USP6NL: variants seen among roughly 807,000 people sequenced by gnomAD.
The protein encoded by USP6NL is USP6 N-terminal-like protein.
In USP6NL, 26 loss-of-function variants were observed where a neutral mutation model predicts 61.9. The ratio of observed to expected loss-of-function variants is 0.42; its 90% CI spans 0.31 to 0.58. The LOEUF (loss-of-function observed/expected upper bound fraction) is 0.58. Among genes scored for constraint, USP6NL ranks in the 20% least tolerant of loss-of-function variants. The probability of loss-of-function intolerance (pLI) is 0.16; values close to 1 mark genes in which losing one functional copy is unlikely to be tolerated. For missense variants in USP6NL, 1,114 were observed against 1,034.3 expected (o/e 1.08, Z -1.06); for synonymous variants, 432 against 390.1 (o/e 1.11, Z -1.27).
At chr10:11,493,361 T>C in intron 7 of USP6NL, 133 bp from the exon 8 acceptor site, 1 of 709,282 alleles carries the variant, frequency 1.4e-6, no homozygotes, top group East Asian at 2.7e-5. Context: ...AAATCAAAAC[T>C]ATATATACAA....
At position 11,462,445 on chromosome 10, in the gene USP6NL, A is replaced by T. The variant is rs562437933; in HGVS notation, c.2483T>A (p.Leu828Gln). The change falls in exon 15 of 15, where the codon CTG becomes CAG. Residue 828 changes from leucine (L) to glutamine (Q), a missense_variant. Transcript: ENST00000609104. ...TTAGCAAGTACACGTCAAATCTCAC[A>T]GCAACACTGACTCTTGGATGGAAAG... is the stretch of plus-strand genomic sequence containing the variant. ...DGLSIQESVL[L>Q] 2 of 1,612,750 alleles carry T rather than the reference A, an allele frequency of 1.2e-6. No homozygotes were observed. The highest frequency in any genetic ancestry group is 1.7e-6 in the Non-Finnish European group (2 of 1,179,422).
At chr10:11,603,265 C>G (rs1374815025) in intron 1 of USP6NL, among the ~76,000 whole-genome samples, 2 of 152,216 alleles carry the variant, frequency 1.3e-5, no homozygotes, top group African/African-American at 2.4e-5. Flanking sequence ...TAGGTTTATA[C>G]TGGTCAACAT....
intron 7 of USP6NL, among the ~76,000 whole-genome samples, chr10:11,497,287 T>C (rs1178686668): frequency 6.6e-6 from 1 of 150,844 alleles, no homozygotes; most frequent in East Asian, 1.9e-4. Flanking sequence ...GGCGGGCACC[T>C]GTAGTCCCAG....
intron 2 of USP6NL, among the ~76,000 whole-genome samples, chr10:11,556,652 T>C (rs928309938): frequency 1.3e-5 from 2 of 152,194 alleles, no homozygotes; most frequent in African/African-American, 4.8e-5. Context: ...AAAGCCGACT[T>C]AGGCAATAAT....
chr10:11,570,403 G>A (rs1193251643), intron 2 of USP6NL, among the ~76,000 whole-genome samples: 1 of 152,100 alleles, frequency 6.6e-6, no homozygotes, highest in Non-Finnish European at 1.5e-5. Context: ...GAATGAACGT[G>A]GAAATGGAAA....
chr10:11,597,669 A>G lies in USP6NL; in HGVS notation c.-35T>C. ...TGGGTCTGAATGTTGTCCCAATCAGATATTAAACCAAAATCTGCTGTCCAA... is the reference window on the plus strand; with the variant it reads ...TGGGTCTGAATGTTGTCCCAATCAGGTATTAAACCAAAATCTGCTGTCCAA... On this transcript the variant is annotated 5_prime_UTR_variant, in exon 2 of 15. Coordinates refer to ENST00000609104, the MANE Select transcript of USP6NL (RefSeq NM_014688.5). The surrounding 1 kb of genome is among the most constrained non-coding windows in gnomAD (Gnocchi z 4.6). The G allele has an allele frequency of 1.9e-6, 3 of 1,547,672 alleles. No individual in the cohort carries two copies. The highest frequency in any genetic ancestry group is 2.6e-6 in the Non-Finnish European group (3 of 1,143,366).
At position 11,595,357 on chromosome 10, in the gene USP6NL, A is replaced by C. The variant is rs1838293293; in HGVS notation, c.4+2274T>G. Among the ~76,000 whole-genome samples, 1 of 152,236 alleles carries C rather than the reference A, an allele frequency of 6.6e-6. No individual in the cohort carries two copies. Among genetic ancestry groups the C allele is most frequent in the Non-Finnish European group, 1.5e-5 (1 of 68,042 alleles). ...ACTGTAAATAAAAGTTTTCCCTAGG[A>C]ATCAGGGTCAAGAGCCAGGCTCTGT... On this transcript the variant is annotated intron_variant, in intron 2 of 14. Coordinates refer to ENST00000609104, the MANE Select transcript of USP6NL (RefSeq NM_014688.5). The surrounding 1 kb of genome is among the most constrained non-coding windows in gnomAD (Gnocchi z 5.3).
intron 3 of USP6NL, among the ~76,000 whole-genome samples, chr10:11,526,941 G>T (rs1286723098): frequency 6.6e-6 from 1 of 152,142 alleles, no homozygotes; most frequent in Non-Finnish European, 1.5e-5. Flanking sequence ...TATAATAGCA[G>T]ATGTAAATTA....
intron 1 of USP6NL, among the ~76,000 whole-genome samples, chr10:11,601,980 C>G (rs1304867133): frequency 1.3e-5 from 2 of 151,656 alleles, no homozygotes; most frequent in African/African-American, 2.4e-5. Context: ...TGTCCTACCC[C>G]CTAAAAAAGA....
chr10:11,471,304 A>G (rs1041964466), intron 14 of USP6NL, among the ~76,000 whole-genome samples: 2 of 152,232 alleles, frequency 1.3e-5, no homozygotes, highest in African/African-American at 4.8e-5. Flanking sequence ...TAGAATGGCA[A>G]TCATTCAAAA....
chr10:11,562,580 T>G lies in USP6NL; in HGVS notation c.5-35013A>C. On this transcript the variant is annotated intron_variant, in intron 2 of 14. Transcript: ENST00000609104. This position sits in a 1 kb window ranked among gnomAD's most constrained non-coding sequence, Gnocchi z 4.8. Reference sequence around the variant, plus strand: ...AGCTAGCCTGGACTGTTTCAGCCACTCAGCCAGGTTTTAAATTACTTGCAA... The same window carrying G: ...AGCTAGCCTGGACTGTTTCAGCCACGCAGCCAGGTTTTAAATTACTTGCAA... The G allele has an allele frequency of 1.0e-6, 1 of 985,424 alleles. No individual in the cohort carries two copies. Among genetic ancestry groups the G allele is most frequent in the Non-Finnish European group, 1.2e-6 (1 of 829,930 alleles). The allele number at this position is 985,424 out of a possible 1,614,324, so 61.0% of individuals were successfully genotyped here. A position where few individuals can be genotyped will look rare whatever the true frequency, so the allele number is the denominator to read the frequency against.
chr10:11,462,889 G>A lies in USP6NL; in HGVS notation c.2039C>T (p.Ser680Phe), dbSNP rs764415627. 2 of 1,613,762 alleles carry A rather than the reference G, an allele frequency of 1.2e-6. No homozygotes were observed. The highest frequency in any genetic ancestry group is 1.7e-6 in the Non-Finnish European group (2 of 1,179,798). ...PHGSTLSVSA[S>F]PEKSYSRPSP... ...TGGGCGGCTGTAAGATTTCTCCGGA[G>A]AAGCACTGACGGAAAGAGTAGAACC... The change falls in exon 15 of 15, where the codon TCT becomes TTT. Residue 680 changes from serine to phenylalanine, a missense_variant. Physicochemically the swap from Ser to Phe is radical, Grantham distance 155. Transcript: ENST00000609104.
At chr10:11,536,112 A>C (rs1380249913) in intron 2 of USP6NL, among the ~76,000 whole-genome samples, 2 of 152,236 alleles carry the variant, frequency 1.3e-5, no homozygotes, top group African/African-American at 4.8e-5. Flanking sequence ...CACTCTGGTC[A>C]AGATGAAATA....
chr10:11,516,113 T>C (rs569189631), intron 5 of USP6NL, among the ~76,000 whole-genome samples: 3 of 152,328 alleles, frequency 2.0e-5, no homozygotes, highest in African/African-American at 7.2e-5. Flanking sequence ...ATATAATGTT[T>C]GTTTATGTGC....
At position 11,562,646 on chromosome 10, in the gene USP6NL, G is replaced by A. The variant is rs1364127690; in HGVS notation, c.4+34985C>T. 6.1e-6 allele frequency: 6 copies of A among 985,214 alleles called. No individual in the cohort carries two copies. Among genetic ancestry groups the A allele is most frequent in the Middle Eastern group, 5.2e-4 (1 of 1,936 alleles). 61.0% of individuals were successfully genotyped at this position (985,214 alleles called of 1,614,324 possible). ...ACACTGAACAGTCCTCTAATTATTTGTGACACTCAACATTCATATGTTGTT... is the reference window on the plus strand; with the variant it reads ...ACACTGAACAGTCCTCTAATTATTTATGACACTCAACATTCATATGTTGTT... On this transcript the variant is annotated intron_variant, in intron 2 of 14. Transcript: ENST00000609104. The surrounding 1 kb of genome is among the most constrained non-coding windows in gnomAD (Gnocchi z 4.8).
At chr10:11,498,492 A>G (rs1221808569) in intron 7 of USP6NL, among the ~76,000 whole-genome samples, 2 of 151,898 alleles carry the variant, frequency 1.3e-5, no homozygotes, top group Non-Finnish European at 1.5e-5. Flanking sequence ...CCTTGGGGTG[A>G]AAAGTCACCT....
At chr10:11,516,177 C>T (rs939695378) in intron 5 of USP6NL, among the ~76,000 whole-genome samples, 1 of 152,108 alleles carries the variant, frequency 6.6e-6, no homozygotes, top group Non-Finnish European at 1.5e-5. Context: ...AATACTAATC[C>T]TCTTAGGAAG....
Position 11,461,139 on chromosome 10 carries a change from A to G in USP6NL, c.*1302T>C, listed in dbSNP as rs567821417. ...AGCAATGTTGAAAACAAGCTCCCCA[A>G]TTAAACACGAAGTCATACTCTCTTG... On this transcript the variant is annotated 3_prime_UTR_variant, in exon 15 of 15. Transcript: ENST00000609104. 4 of 152,688 alleles carry G rather than the reference A, an allele frequency of 2.6e-5. No homozygotes were observed. The highest frequency in any genetic ancestry group is 1.3e-4 in the Admixed American group (2 of 15,304). The allele number at this position is 152,688 out of a possible 1,614,324, so 9.5% of individuals were successfully genotyped here. A position where few individuals can be genotyped will look rare whatever the true frequency, so the allele number is the denominator to read the frequency against.
rs2133307189 is a variant in USP6NL at position 11,501,115 on chromosome 10, T to C, written c.370A>G (p.Arg124Gly). The C allele has an allele frequency of 6.2e-7, 1 of 1,611,458 alleles. No individual in the cohort carries two copies. The highest frequency in any genetic ancestry group is 1.1e-5 in the South Asian group (1 of 90,374). The change falls in exon 7 of 15, where the codon AGG (arginine) becomes GGG (glycine). Residue 124 changes from arginine to glycine, a missense_variant. Transcript: ENST00000609104. ...LEIPKMKEETRDLYSKLKHRA... is the reference protein window; with the variant it reads ...LEIPKMKEETGDLYSKLKHRA... ...TAGCTACTCACACTATACAGGTCCC[T>C]TGTTTCTTCTTTCATTTTAGGGATC...
Sources: allele counts gnomAD v4.1 joint callset (sites outside exome capture counted in the v4.1 genomes callset), GRCh38; gene constraint gnomAD v4.1.1; non-coding constraint Gnocchi (gnomAD v3.1); transcripts MANE v1.5; gene names NCBI Gene and HGNC (gene_info 2026-07-23, HGNC 2026-07-21).